Variants in SLC16A1 observed in about 807,000 individuals in gnomAD.
The protein encoded by SLC16A1 is monocarboxylate transporter 1.
A neutral mutation model predicts 32.2 loss-of-function variants in SLC16A1; 11 were observed. The observed-to-expected ratio is 0.34, with a 90% CI of 0.21 to 0.56. The LOEUF is 0.56. SLC16A1 is among the 20% of genes least tolerant of loss of function. SLC16A1 has a pLI of 0.87. For missense variants in SLC16A1, 435 were observed against 615.0 expected (o/e 0.71, Z 3.10); for synonymous variants, 231 against 226.8 (o/e 1.02, Z -0.17).
chr1:112,923,701 G>A (rs918429465), intron 2 of SLC16A1: 1 of 1,537,144 alleles, frequency 6.5e-7, no homozygotes, highest in Non-Finnish European at 9.0e-7. Context: ...CCAGACCACA[G>A]CACCCCGGTG....
chr1:112,928,626 G>A (rs934035319), intron 2 of SLC16A1, among the ~76,000 whole-genome samples: 6 of 152,132 alleles, frequency 3.9e-5, no homozygotes, highest in South Asian at 2.1e-4. Context: ...CAAGTAATAC[G>A]GAGGAGGTTT....
chr1:112,920,573 T>C (rs1351943355), intron 3 of SLC16A1, among the ~76,000 whole-genome samples: 2 of 152,050 alleles, frequency 1.3e-5, no homozygotes, highest in East Asian at 3.9e-4. Flanking sequence ...GCCATAGCAG[T>C]CTAGCCTGGC....
intron 2 of SLC16A1, chr1:112,924,237 C>T: frequency 6.6e-7 from 1 of 1,512,762 alleles, no homozygotes; most frequent in East Asian, 2.3e-5. Flanking sequence ...GCAGTTGGAG[C>T]AGAACTTGGC....
chr1:112,941,224 TAA>T (rs776005096), intron 1 of SLC16A1, among the ~76,000 whole-genome samples: 5 of 150,200 alleles, frequency 3.3e-5, no homozygotes, highest in African/African-American at 9.8e-5. Context: ...TGATGTAGTA[TAA>T]AAAAAGAGTT....
intron 2 of SLC16A1, chr1:112,923,943 C>A (rs1648833853): frequency 6.6e-7 from 1 of 1,518,272 alleles, no homozygotes; most frequent in East Asian, 2.3e-5. Context: ...TGCCTTCAAC[C>A]CTCTGGCTGG....
intron 1 of SLC16A1, among the ~76,000 whole-genome samples, chr1:112,930,786 A>G (rs942402630): frequency 3.7e-4 from 56 of 149,440 alleles, no homozygotes; most frequent in African/African-American, 1.4e-3. Flanking sequence ...GTGCAATAGC[A>G]AGATCTTGGC....
rs375728925 is a variant in SLC16A1 at position 112,930,397 on chromosome 1, GAA to G, written c.-44-1047_-44-1046del. Among the ~76,000 whole-genome samples the G allele has an allele frequency of 3.4e-5, 5 of 147,146 alleles. No homozygotes were observed. The East Asian group carries it at 9.9e-4, about 29-fold the overall frequency. On this transcript the variant is annotated intron_variant, in intron 1 of 4. Transcript: ENST00000369626. ...GTGCTGAGTGTTGACTGTGTAAGAG[GAA>G]AAAAAAAAGTGTTTTTCTCCTTCAG...
intron 1 of SLC16A1, among the ~76,000 whole-genome samples, chr1:112,941,487 T>C (rs1490735885): frequency 6.6e-6 from 1 of 152,186 alleles, no homozygotes; most frequent in Non-Finnish European, 1.5e-5. Flanking sequence ...TTCTCCATGT[T>C]GGTCAGGCTG....
rs1352412342 is a variant in SLC16A1, at chr1:112,917,389, T to G, written c.1017A>C (p.Ala339=). 3.1e-6 allele frequency: 5 copies of G among 1,614,268 alleles called. No homozygotes were observed. Among genetic ancestry groups the G allele is most frequent in the Middle Eastern group, 3.3e-4 (2 of 6,062 alleles). The change falls in exon 4 of 5, where the codon GCA becomes GCC. Residue 339 remains alanine (A), a synonymous_variant. Transcript: ENST00000369626. This position sits in a 1 kb window ranked among gnomAD's most constrained non-coding sequence, Gnocchi z 4.1. The stretch of plus-strand genomic sequence containing the variant: ...GTGCTAGCATATGACACACTCCATT[T>G]GCAACAACGGAAGCCGCAAAGAAAT... ...IQYFFAASVV[A]NGVCHMLAPL...
chr1:112,917,792 G>A lies in SLC16A1; in HGVS notation c.614C>T (p.Ala205Val). ...GGATGCTTTAGACTTATCTTTCCCT[G>A]CCTTGGTTGGCTTGGGCCCGATTGG... Reference protein sequence around the residue: ...MRPIGPKPTKAGKDKSKASLE... With the variant: ...MRPIGPKPTKVGKDKSKASLE... The change falls in exon 4 of 5, where the codon GCA becomes GTA. Residue 205 changes from alanine (A) to valine (V), a missense_variant. By Grantham distance (64) the Ala-to-Val change is moderately conservative (BLOSUM62 0). Around this residue, in one of 2 missense-constraint regions of SLC16A1, gnomAD observed 324 missense variants for 500.3 expected, o/e 0.65. Transcript: ENST00000369626. The surrounding 1 kb of genome is among the most constrained non-coding windows in gnomAD (Gnocchi z 4.1). The A allele has an allele frequency of 6.2e-7, 1 of 1,614,158 alleles. No individual in the cohort carries two copies. Among genetic ancestry groups the A allele is most frequent in the Non-Finnish European group, 8.5e-7 (1 of 1,180,024 alleles).
At chr1:112,921,969 A>C (rs760465889) in intron 3 of SLC16A1, 21 bp downstream of exon 3, 1 of 1,613,472 alleles carries the variant, frequency 6.2e-7, no homozygotes, top group East Asian at 2.2e-5. Flanking sequence ...AATGCTTCCA[A>C]ATGAATCAGT....
Position 112,929,219 on chromosome 1 carries a change from G to A in SLC16A1, c.90C>T (p.Ile30=), listed in dbSNP as rs768373027. ...ATTTGGGAAATGCATAAGAGAAGCC[G>A]ATGGAAATGAAAGCTCCAATTACCA... ...WAVVIGAFIS[I]GFSYAFPKSI... is the part of the protein sequence containing the mutation. Residue 30 remains isoleucine, a synonymous_variant, in exon 2 of 5, where the codon ATC becomes ATT. Transcript: ENST00000369626. 1.2e-5 allele frequency: 19 copies of A among 1,613,908 alleles called. No homozygotes were observed. The highest frequency in any genetic ancestry group is 4.0e-5 in the African/African-American group (3 of 74,892).
At chr1:112,951,297 T>C (rs1186162871) in intron 1 of SLC16A1, among the ~76,000 whole-genome samples, 3 of 151,544 alleles carry the variant, frequency 2.0e-5, no homozygotes, top group Non-Finnish European at 4.4e-5. Flanking sequence ...CTGCATGTGG[T>C]AGGGCAGGGG....
intron 2 of SLC16A1, among the ~76,000 whole-genome samples, chr1:112,928,718 T>C (rs1649021212): frequency 1.3e-5 from 2 of 152,148 alleles, no homozygotes; most frequent in Admixed American, 1.3e-4. Flanking sequence ...TTTATTTTAA[T>C]CCTCCCAACA....
At chr1:112,929,546 G>C (rs1038328852) in intron 1 of SLC16A1, among the ~76,000 whole-genome samples, 194 bp from the exon 2 acceptor site, 4 of 152,002 alleles carry the variant, frequency 2.6e-5, no homozygotes, top group African/African-American at 9.7e-5. Flanking sequence ...CTGTGTCTAA[G>C]AAAATTTTTA....
Position 112,928,545 on chromosome 1 carries a change from AC to A in SLC16A1, c.217+546del, listed in dbSNP as rs567459823. Among the ~76,000 whole-genome samples the A allele has an allele frequency of 4.9e-4, 75 of 152,344 alleles. 1 individual carries two copies. In the South Asian group the frequency reaches 0.011, roughly 23 times the overall value. On this transcript the variant is annotated intron_variant, in intron 2 of 4. Transcript: ENST00000369626. Reference sequence around the variant, plus strand: ...TTTCCTTTACAATATGCCAAAAAAAACAAAAGAGAAATAAATGGTAAAATTT... The same window carrying A: ...TTTCCTTTACAATATGCCAAAAAAAAAAAAGAGAAATAAATGGTAAAATTT...
At chr1:112,950,281 T>C (rs1570648653) in intron 1 of SLC16A1, among the ~76,000 whole-genome samples, 1 of 152,202 alleles carries the variant, frequency 6.6e-6, no homozygotes, top group African/African-American at 2.4e-5. Flanking sequence ...AACATAAGTT[T>C]TGGTTTCCAA....
chr1:112,945,040 C>A (rs966203152), intron 1 of SLC16A1, among the ~76,000 whole-genome samples: 6 of 150,544 alleles, frequency 4.0e-5, no homozygotes, highest in Non-Finnish European at 5.9e-5. Flanking sequence ...TCTCTGTCAC[C>A]CAGGCTGGAG....
At chr1:112,938,872 C>T (rs1189252012) in intron 1 of SLC16A1, among the ~76,000 whole-genome samples, 1 of 151,386 alleles carries the variant, frequency 6.6e-6, no homozygotes, top group African/African-American at 2.4e-5. Flanking sequence ...AAATAGAAAG[C>T]ATTTCTTTTT....
Sources: gnomAD v4.1 joint callset for allele counts (sites outside exome capture counted in the v4.1 genomes callset) on GRCh38, gnomAD v4.1.1 for gene constraint, gnomAD v4.1.1 regional missense constraint, Gnocchi (gnomAD v3.1) non-coding constraint, MANE v1.5 for transcripts, NCBI Gene and HGNC (gene_info 2026-07-23, HGNC 2026-07-21) for gene names.